OPCML: variants seen among roughly 807,000 people sequenced by gnomAD.
OPCML encodes the protein opioid binding protein/cell adhesion molecule like, also known as opioid-binding protein/cell adhesion molecule.
Under a neutral mutation model 37.8 loss-of-function variants are expected in OPCML, and 13 were observed. The ratio of observed to expected loss-of-function variants is 0.34; its 90% confidence interval spans 0.22 to 0.55. The LOEUF is 0.55. Among genes scored for constraint, OPCML ranks in the 20% least tolerant of loss-of-function variants. The pLI is 0.91. For synonymous variants in OPCML, 176 were observed against 168.8 expected (o/e 1.04, Z -0.33); for missense variants, 341 against 435.6 (o/e 0.78, Z 1.93).
At chr11:133,186,471 T>C (rs545237927) in intron 1 of OPCML, among the ~76,000 whole-genome samples, 5 of 149,356 alleles carry the variant, frequency 3.3e-5, no homozygotes, top group South Asian at 4.3e-4. Flanking sequence ...GATGGGCAAA[T>C]TAGAATACAG....
chr11:132,631,485 A>C (rs1334864589), intron 3 of OPCML, among the ~76,000 whole-genome samples: 2 of 150,616 alleles, frequency 1.3e-5, no homozygotes, highest in Non-Finnish European at 3.0e-5. Flanking sequence ...TTTGAGACGG[A>C]GTCTGGCTCT....
At chr11:132,585,805 T>C (rs1336410436) in intron 3 of OPCML, among the ~76,000 whole-genome samples, 1 of 152,228 alleles carries the variant, frequency 6.6e-6, no homozygotes, top group Non-Finnish European at 1.5e-5. Flanking sequence ...GCCCAGTTTC[T>C]GGATCTTAAA....
chr11:133,421,595 C>T, intron 1 of OPCML: 1 of 985,440 alleles, frequency 1.0e-6, no homozygotes, highest in Non-Finnish European at 1.2e-6. Flanking sequence ...CTGGGAGTTT[C>T]AACCTCTATA....
chr11:132,800,558 T>C (rs1032483432), intron 2 of OPCML, among the ~76,000 whole-genome samples: 9 of 152,176 alleles, frequency 5.9e-5, no homozygotes, highest in Non-Finnish European at 1.0e-4. Flanking sequence ...TTTTACATAT[T>C]CCCTTTATCA....
At position 133,125,850 on chromosome 11, in the gene OPCML, ATAG is replaced by A. The variant is rs576627035; in HGVS notation, c.62-182843_62-182841del. Among the ~76,000 whole-genome samples, 15 of 147,158 alleles carry A rather than the reference ATAG, an allele frequency of 1.0e-4. 1 individual carries two copies. In the East Asian group the frequency reaches 2.6e-3, roughly 25 times the overall value. ...CACATGTATATATAGACACATGTAT[ATAG>A]TATATACACATGTATATATAGACAC... On this transcript the variant is annotated intron_variant, in intron 1 of 7. Coordinates refer to ENST00000524381, the MANE Select transcript of OPCML (RefSeq NM_001012393.5).
At chr11:133,455,452 C>T (rs1276652757) in intron 1 of OPCML, among the ~76,000 whole-genome samples, 2 of 152,100 alleles carry the variant, frequency 1.3e-5, no homozygotes, top group African/African-American at 4.8e-5. Context: ...AAAAATCAAA[C>T]CCTACCAAAG....
chr11:133,107,001 T>G (rs1256064013), intron 1 of OPCML, among the ~76,000 whole-genome samples: 1 of 152,164 alleles, frequency 6.6e-6, no homozygotes, highest in Non-Finnish European at 1.5e-5. Flanking sequence ...GGTAATACGT[T>G]CCGGTCTTGG....
rs556027043 is a variant in OPCML, at chr11:132,868,598, G to A, written c.146+74328C>T. ...AAGTCCAATCTAAGCTGTTCTTCTG[G>A]CCCGTGGGGAAGAACACAGTTGCAC... On this transcript the variant is annotated intron_variant, in intron 2 of 7. Coordinates refer to ENST00000524381, the MANE Select transcript of OPCML (RefSeq NM_001012393.5). Among the ~76,000 whole-genome samples, 14 of 152,172 alleles carry A rather than the reference G, an allele frequency of 9.2e-5. No individual in the cohort carries two copies. In the East Asian group the frequency reaches 2.7e-3, roughly 30 times the overall value.
Position 132,526,855 on chromosome 11 carries a change from C to T in OPCML, c.505+2206G>A, listed in dbSNP as rs899547078. Among the ~76,000 whole-genome samples, 7 of 152,102 alleles carry T rather than the reference C, an allele frequency of 4.6e-5. 1 individual carries two copies. Among genetic ancestry groups the T allele is most frequent in the Admixed American group, 1.3e-4 (2 of 15,260 alleles). On this transcript the variant is annotated intron_variant, in intron 4 of 7. Coordinates refer to ENST00000524381, the MANE Select transcript of OPCML (RefSeq NM_001012393.5). ...GATACAGAACTTTTCCAACATCCCC[C>T]AGAATTTCTTGTGGCCCTTTGCCGT... is the stretch of plus-strand genomic sequence containing the variant.
chr11:132,591,997 G>A (rs540130231), intron 3 of OPCML, among the ~76,000 whole-genome samples: 1 of 152,294 alleles, frequency 6.6e-6, no homozygotes, highest in Admixed American at 6.5e-5. Flanking sequence ...CACTGGGGAA[G>A]AAAGTATAGA....
chr11:133,281,800 G>A (rs866680512), intron 1 of OPCML, among the ~76,000 whole-genome samples: 4 of 152,066 alleles, frequency 2.6e-5, no homozygotes, highest in African/African-American at 9.7e-5. Context: ...GTCTCGGGTG[G>A]AAATAATGAA....
At chr11:133,108,972 C>CA (rs761166822) in intron 1 of OPCML, among the ~76,000 whole-genome samples, 26 of 152,194 alleles carry the variant, frequency 1.7e-4, no homozygotes, top group Non-Finnish European at 3.4e-4. Flanking sequence ...CCCAAGCTAA[C>CA]AGTCTTAAAA....
rs528161693 is a variant in OPCML at position 132,819,012 on chromosome 11, G to GA, written c.146+123913dup. Among the ~76,000 whole-genome samples, 1,107 of 121,124 alleles carry GA rather than the reference G, an allele frequency of 9.1e-3. 18 individuals are homozygous for GA. The highest frequency in any genetic ancestry group is 0.023 in the African/African-American group (771 of 33,490). 79.5% of individuals were successfully genotyped at this position (121,124 alleles called of 152,430 possible). Reference sequence around the variant, plus strand: ...GAGGATGAAGTAAAGTTACAAAGTCGAAAAAAAAAAAAAAGAACCATATAT... The same window carrying GA: ...GAGGATGAAGTAAAGTTACAAAGTCGAAAAAAAAAAAAAAAGAACCATATAT... On this transcript the variant is annotated intron_variant, in intron 2 of 7. Coordinates refer to ENST00000524381, the MANE Select transcript of OPCML (RefSeq NM_001012393.5).
chr11:132,471,565 A>G lies in OPCML; in HGVS notation c.506-34206T>C, dbSNP rs2096138118. 3.3e-5 allele frequency among the ~76,000 whole-genome samples: 5 copies of G among 152,322 alleles called. No homozygotes were observed. The South Asian group carries it at 1.0e-3, about 32-fold the overall frequency. ...TGATTCAAGTTGGCTCACTCTCGCA[A>G]CTGGAAATTGGTTCCTCCATCTGTG... is the stretch of plus-strand genomic sequence containing the variant. On this transcript the variant is annotated intron_variant, in intron 4 of 7. Transcript: ENST00000524381.
At chr11:132,758,566 T>C (rs1170490210) in intron 2 of OPCML, among the ~76,000 whole-genome samples, 1 of 152,222 alleles carries the variant, frequency 6.6e-6, no homozygotes, top group Admixed American at 6.5e-5. Flanking sequence ...GTAGCTATTG[T>C]GAATGGGAGT....
intron 1 of OPCML, among the ~76,000 whole-genome samples, chr11:133,504,942 G>A (rs1259969848): frequency 6.6e-6 from 1 of 152,154 alleles, no homozygotes; most frequent in East Asian, 1.9e-4. Context: ...TGGCCAACAG[G>A]GACTTTACAT....
At chr11:133,273,774 C>T (rs1325575619) in intron 1 of OPCML, among the ~76,000 whole-genome samples, 1 of 152,070 alleles carries the variant, frequency 6.6e-6, no homozygotes, top group Non-Finnish European at 1.5e-5. Context: ...CAATGGTTGA[C>T]TGCTTTAAGA....
At chr11:132,763,125 C>T (rs966215583) in intron 2 of OPCML, among the ~76,000 whole-genome samples, 6 of 152,152 alleles carry the variant, frequency 3.9e-5, no homozygotes, top group Non-Finnish European at 8.8e-5. Flanking sequence ...TGCTTCTGCT[C>T]ACCCTCCATG....
intron 1 of OPCML, among the ~76,000 whole-genome samples, chr11:133,262,343 C>T (rs529790241): frequency 6.6e-6 from 1 of 152,208 alleles, no homozygotes; most frequent in East Asian, 1.9e-4. Flanking sequence ...TAGGATGCAC[C>T]CAGTAAATAT....
Sources: allele counts gnomAD v4.1 joint callset (sites outside exome capture counted in the v4.1 genomes callset), GRCh38; gene constraint gnomAD v4.1.1; transcripts MANE v1.5; gene names NCBI Gene and HGNC (gene_info 2026-07-23, HGNC 2026-07-21).